Variants in TMEM117 observed in about 807,000 individuals in gnomAD.
The protein encoded by TMEM117 is transmembrane protein 117.
A neutral mutation model predicts 52.4 loss-of-function variants in TMEM117; 27 were observed. The ratio of observed to expected loss-of-function variants is 0.51; its 90% CI spans 0.38 to 0.71. The LOEUF (loss-of-function observed/expected upper bound fraction) is 0.71, where lower values mean the gene tolerates loss of function less well. Among genes scored for constraint, TMEM117 ranks in the 30% least tolerant of loss-of-function variants. The pLI, the probability that TMEM117 is intolerant of heterozygous loss-of-function variation, is 0.00. For missense variants in TMEM117, 556 were observed against 630.5 expected (o/e 0.88, Z 1.26); for synonymous variants, 215 against 206.3 (o/e 1.04, Z -0.36).
chr12:44,161,608 C>T (rs529503516), intron 4 of TMEM117, among the ~76,000 whole-genome samples: 1 of 152,216 alleles, frequency 6.6e-6, no homozygotes, highest in African/African-American at 2.4e-5. Flanking sequence ...TAGCACAGTT[C>T]TTAGTAATTA....
intron 2 of TMEM117, among the ~76,000 whole-genome samples, chr12:43,883,299 T>C (rs1440727431): frequency 6.6e-6 from 1 of 152,228 alleles, no homozygotes. Flanking sequence ...CTCAGGATCA[T>C]GTATTTCTTG....
chr12:44,225,637 C>A (rs1565612002), intron 5 of TMEM117, among the ~76,000 whole-genome samples: 1 of 152,082 alleles, frequency 6.6e-6, no homozygotes, highest in African/African-American at 2.4e-5. Context: ...TAATCAGTGA[C>A]TTTACCACAG....
chr12:43,808,036 G>C, the TMEM117 span, among the ~76,000 whole-genome samples: 4 of 152,190 alleles, frequency 2.6e-5, no homozygotes, highest in African/African-American at 9.7e-5. Flanking sequence ...AACTTTAAGA[G>C]GTTTGGAAAT....
At chr12:44,226,545 G>C (rs1195013179) in intron 5 of TMEM117, among the ~76,000 whole-genome samples, 1 of 145,788 alleles carries the variant, frequency 6.9e-6, no homozygotes, top group Admixed American at 6.9e-5. Flanking sequence ...TATACATGTT[G>C]TTATGGGCTG....
intron 2 of TMEM117, among the ~76,000 whole-genome samples, chr12:43,855,905 A>T (rs1047734233): frequency 1.3e-5 from 2 of 152,248 alleles, no homozygotes; most frequent in African/African-American, 4.8e-5. Context: ...CAAGGTAGTC[A>T]TGGTAATACA....
the TMEM117 span, chr12:43,806,307 C>A: frequency 7.0e-7 from 1 of 1,428,520 alleles, no homozygotes; most frequent in South Asian, 1.4e-5. Context: ...GGCCGGCGGC[C>A]CCAGGAAGTG....
rs1429807486 is a variant in TMEM117, at chr12:44,230,804, C to T, written c.608+19417C>T. Among the ~76,000 whole-genome samples, 4 of 152,024 alleles carry T rather than the reference C, an allele frequency of 2.6e-5. 1 individual carries two copies. The East Asian group carries it at 7.7e-4, about 29-fold the overall frequency. The stretch of plus-strand genomic sequence containing the variant: ...ACTTTCCACCTACAATTCTCTTTGA[C>T]ATTCTTTGCTCTAGAGATAATACAT... On this transcript the variant is annotated intron_variant, in intron 5 of 7. Coordinates refer to ENST00000266534, the MANE Select transcript of TMEM117 (RefSeq NM_032256.3).
chr12:44,002,580 C>A (rs1329548993), intron 3 of TMEM117, among the ~76,000 whole-genome samples: 1 of 152,154 alleles, frequency 6.6e-6, no homozygotes, highest in Non-Finnish European at 1.5e-5. Context: ...TGGGAGTTTG[C>A]TTCCCAAAGC....
chr12:43,860,261 A>G (rs760173341), intron 2 of TMEM117, among the ~76,000 whole-genome samples: 3 of 151,952 alleles, frequency 2.0e-5, no homozygotes, highest in Non-Finnish European at 4.4e-5. Flanking sequence ...CATGCTCATT[A>G]ATTTGTCTCA....
At chr12:44,369,186 G>GACT (rs1186394160) in intron 6 of TMEM117, among the ~76,000 whole-genome samples, 2 of 152,160 alleles carry the variant, frequency 1.3e-5, no homozygotes, top group Non-Finnish European at 2.9e-5. Context: ...ACACTTATAA[G>GACT]ACTGACTTAT....
At chr12:44,249,947 C>T (rs1950177122) in intron 5 of TMEM117, among the ~76,000 whole-genome samples, 1 of 152,134 alleles carries the variant, frequency 6.6e-6, no homozygotes, top group South Asian at 2.1e-4. Flanking sequence ...GACTTCATGA[C>T]TAAAATACCA....
intron 2 of TMEM117, among the ~76,000 whole-genome samples, chr12:43,912,116 G>T (rs1037794019): frequency 2.5e-4 from 37 of 150,046 alleles, no homozygotes; most frequent in African/African-American, 8.8e-4. Flanking sequence ...AACAACGATA[G>T]ACTGGATTAA....
At chr12:44,247,726 G>A (rs1320179249) in intron 5 of TMEM117, among the ~76,000 whole-genome samples, 1 of 152,158 alleles carries the variant, frequency 6.6e-6, no homozygotes, top group Non-Finnish European at 1.5e-5. Flanking sequence ...CATCACCTAT[G>A]CCCCAACCCC....
At chr12:44,045,543 G>A (rs1020758161) in intron 3 of TMEM117, among the ~76,000 whole-genome samples, 1 of 152,144 alleles carries the variant, frequency 6.6e-6, no homozygotes, top group Non-Finnish European at 1.5e-5. Flanking sequence ...TCACTTTACG[G>A]CTAAAGAAGT....
At position 44,215,532 on chromosome 12, in the gene TMEM117, TA is replaced by T. The variant is rs565366562; in HGVS notation, c.608+4146del. The stretch of plus-strand genomic sequence containing the variant: ...GCTATATGAATGCCTTATGCTCTTC[TA>T]TTTTTCAGAGGCGTTACCAACAACC... On this transcript the variant is annotated intron_variant, in intron 5 of 7. Coordinates refer to ENST00000266534, the MANE Select transcript of TMEM117 (RefSeq NM_032256.3). Among the ~76,000 whole-genome samples, 359 of 152,330 alleles carry T rather than the reference TA, an allele frequency of 2.4e-3. 4 individuals are homozygous for T. The highest frequency in any genetic ancestry group is 8.3e-3 in the African/African-American group (344 of 41,574).
chr12:44,398,220 G>T, the TMEM117 span, among the ~76,000 whole-genome samples: 1 of 151,920 alleles, frequency 6.6e-6, no homozygotes, highest in African/African-American at 2.4e-5. Flanking sequence ...CAATTCCACT[G>T]CAGGTTCCTC....
At chr12:44,024,178 A>G (rs932102535) in intron 3 of TMEM117, among the ~76,000 whole-genome samples, 3 of 152,214 alleles carry the variant, frequency 2.0e-5, no homozygotes, top group South Asian at 2.1e-4. Flanking sequence ...AGATGTGTAT[A>G]GTTTGTCTTG....
At chr12:43,814,177 G>A in the TMEM117 span, among the ~76,000 whole-genome samples, 1 of 152,060 alleles carries the variant, frequency 6.6e-6, no homozygotes. Flanking sequence ...GGAATTTAAA[G>A]TTTGAGTACA....
the TMEM117 span, among the ~76,000 whole-genome samples, chr12:43,819,797 A>G: frequency 0.065 from 9,954 of 152,058 alleles, 409 homozygotes; most frequent in Middle Eastern, 0.099. Flanking sequence ...AAAGAGAGAG[A>G]GAGGGAGAGA....
Sources: allele counts gnomAD v4.1 joint callset (sites outside exome capture counted in the v4.1 genomes callset), GRCh38; gene constraint gnomAD v4.1.1; transcripts MANE v1.5; gene names NCBI Gene and HGNC (gene_info 2026-07-23, HGNC 2026-07-21).